The following ZFHX3 variants were observed in gnomAD, a reference collection of about 807,000 sequenced individuals.
ZFHX3 encodes the protein zinc finger homeobox protein 3.
In ZFHX3, 42 loss-of-function variants were observed where a neutral mutation model predicts 279.1. That is an observed-to-expected ratio of 0.15 (90% CI 0.12 to 0.19). The LOEUF (loss-of-function observed/expected upper bound fraction) is 0.19, where lower values mean the gene tolerates loss of function less well. Ranked by LOEUF, ZFHX3 falls within the 10% of genes least tolerant of loss-of-function variation. The pLI, the probability that ZFHX3 is intolerant of heterozygous loss-of-function variation, is 1.00. For missense variants in ZFHX3, 4,981 were observed against 4,754.0 expected (o/e 1.05, Z -1.40); for synonymous variants, 2,293 against 1,957.8 (o/e 1.17, Z -4.52).
intron 2 of ZFHX3, chr16:73,486,795 A>C (rs754657489): frequency 6.6e-6 from 3 of 455,864 alleles, no homozygotes; most frequent in South Asian, 4.6e-5. Flanking sequence ...CTAAGAAAGA[A>C]TCCATCGTTC....
At chr16:73,014,717 G>C (rs1291143252) in intron 1 of ZFHX3, among the ~76,000 whole-genome samples, 1 of 151,462 alleles carries the variant, frequency 6.6e-6, no homozygotes, top group African/African-American at 2.4e-5. Context: ...AGTAGAGAAG[G>C]GGTTTCACCA....
chr16:73,197,923 G>GTTT (rs1567416121), intron 5 of ZFHX3, among the ~76,000 whole-genome samples: 2 of 88,766 alleles, frequency 2.3e-5, no homozygotes, highest in East Asian at 4.3e-4. Context: ...CTGATTTGGT[G>GTTT]GTTTTTTTTT....
intron 4 of ZFHX3, among the ~76,000 whole-genome samples, chr16:73,271,548 C>A (rs977475073): frequency 6.6e-6 from 1 of 152,202 alleles, no homozygotes; most frequent in Non-Finnish European, 1.5e-5. Context: ...GGCCACTGAC[C>A]AGCTTTGTGC....
chr16:72,825,895 A>C (rs2036916799), intron 5 of ZFHX3, among the ~76,000 whole-genome samples: 1 of 152,244 alleles, frequency 6.6e-6, no homozygotes, highest in Admixed American at 6.5e-5. Flanking sequence ...GGTATTGTTC[A>C]GTTCAGATGC....
chr16:73,483,907 CCT>C (rs1401437421), intron 2 of ZFHX3, among the ~76,000 whole-genome samples: 1 of 149,954 alleles, frequency 6.7e-6, no homozygotes, highest in African/African-American at 2.5e-5. Context: ...CTTTTCTTCC[CCT>C]GTTCCCCACC....
chr16:73,876,656 T>C (rs1057102641), intron 1 of ZFHX3, among the ~76,000 whole-genome samples: 17 of 152,234 alleles, frequency 1.1e-4, no homozygotes, highest in Non-Finnish European at 2.2e-4. Context: ...ACTCCCCAGT[T>C]GGATATGTGG....
At chr16:73,655,075 G>T (rs1237642472) in intron 2 of ZFHX3, among the ~76,000 whole-genome samples, 1 of 151,912 alleles carries the variant, frequency 6.6e-6, no homozygotes, top group African/African-American at 2.4e-5. Context: ...TGGCCAGGCT[G>T]GTCTCAAATT....
chr16:73,264,123 T>C (rs1267212833), intron 4 of ZFHX3, among the ~76,000 whole-genome samples: 1 of 152,124 alleles, frequency 6.6e-6, no homozygotes, highest in African/African-American at 2.4e-5. Flanking sequence ...GCTGAGATCA[T>C]ACCACTGCAC....
At chr16:72,836,838 G>GA (rs951741234) in intron 4 of ZFHX3, among the ~76,000 whole-genome samples, 2 of 152,152 alleles carry the variant, frequency 1.3e-5, no homozygotes, top group Non-Finnish European at 2.9e-5. Flanking sequence ...TCGAAGGGGT[G>GA]AAGACTGAGT....
intron 5 of ZFHX3, among the ~76,000 whole-genome samples, chr16:73,235,132 C>G (rs1036481855): frequency 6.6e-6 from 1 of 152,178 alleles, no homozygotes; most frequent in African/African-American, 2.4e-5. Context: ...TGCAGTGGTG[C>G]AATCTCGGCT....
At chr16:72,858,390 G>A (rs1366189053) in intron 4 of ZFHX3, among the ~76,000 whole-genome samples, 1 of 152,124 alleles carries the variant, frequency 6.6e-6, no homozygotes, top group African/African-American at 2.4e-5. Context: ...CTGGCTTTTT[G>A]TAACCCCCTT....
intron 1 of ZFHX3, among the ~76,000 whole-genome samples, chr16:72,997,169 G>A (rs924691891): frequency 2.6e-5 from 4 of 152,220 alleles, no homozygotes; most frequent in African/African-American, 9.6e-5. Flanking sequence ...AACAGGTTCT[G>A]TGGGAATCTG....
chr16:72,923,720 C>G (rs1201411822), intron 3 of ZFHX3, among the ~76,000 whole-genome samples: 1 of 144,014 alleles, frequency 6.9e-6, no homozygotes, highest in East Asian at 1.9e-4. Flanking sequence ...AATCTCAAGT[C>G]TCTCTCCTTG....
Position 72,958,463 on chromosome 16 carries a change from A to G in ZFHX3, c.1683T>C (p.Phe561=). Residue 561 remains phenylalanine, a synonymous_variant, in exon 2 of 10, where the codon TTT becomes TTC. Coordinates refer to ENST00000268489, the MANE Select transcript of ZFHX3 (RefSeq NM_006885.4). ...SSNSASSFVV[F]DGANRRNRLS... is the part of the protein sequence containing the mutation. ...AACGATTCCTCCTGTTCGCACCATC[A>G]AAGACAACAAAGGAAGAAGCAGAAT... The G allele has an allele frequency of 6.2e-7, 1 of 1,614,162 alleles. No homozygotes were observed. Among genetic ancestry groups the G allele is most frequent in the South Asian group, 1.1e-5 (1 of 91,084 alleles).
At chr16:73,473,369 AAAAC>A (rs2018709399) in intron 2 of ZFHX3, among the ~76,000 whole-genome samples, 16 of 151,162 alleles carry the variant, frequency 1.1e-4, no homozygotes, top group African/African-American at 3.9e-4. Context: ...AAAAAAAAAA[AAAAC>A]AAAATAATAA....
At chr16:73,432,785 TTC>T (rs869054523) in intron 3 of ZFHX3, among the ~76,000 whole-genome samples, 1 of 151,944 alleles carries the variant, frequency 6.6e-6, no homozygotes, top group South Asian at 2.1e-4. Flanking sequence ...GTTTTTCTTC[TTC>T]TTTTTTTTCT....
intron 3 of ZFHX3, among the ~76,000 whole-genome samples, chr16:73,364,033 C>T (rs981078204): frequency 3.3e-5 from 5 of 152,038 alleles, no homozygotes; most frequent in South Asian, 2.1e-4. Flanking sequence ...ATTAGCCGGG[C>T]ATGGTGACGC....
At chr16:73,260,729 C>T (rs1489336248) in intron 4 of ZFHX3, among the ~76,000 whole-genome samples, 2 of 140,666 alleles carry the variant, frequency 1.4e-5, no homozygotes, top group East Asian at 2.6e-4. Flanking sequence ...TTGCTCTTGC[C>T]GCCCAGGCTG....
intron 1 of ZFHX3, among the ~76,000 whole-genome samples, chr16:72,972,145 G>A (rs999796865): frequency 3.3e-5 from 5 of 151,976 alleles, no homozygotes; most frequent in Non-Finnish European, 7.4e-5. Flanking sequence ...CACCCACCTC[G>A]GCCACCTAAA....
Sources: allele counts gnomAD v4.1 joint callset (sites outside exome capture counted in the v4.1 genomes callset), GRCh38; gene constraint gnomAD v4.1.1; transcripts MANE v1.5; gene names NCBI Gene and HGNC (gene_info 2026-07-23, HGNC 2026-07-21).